The following KCNH5 variants were observed in gnomAD, a reference collection of about 807,000 sequenced individuals.
KCNH5 encodes potassium voltage-gated channel subfamily H member 5.
In KCNH5, 46 loss-of-function variants were observed where a neutral mutation model predicts 96.1. The observed-to-expected ratio is 0.48, with a 90% CI of 0.38 to 0.61. The LOEUF is 0.61. Ranked by LOEUF, KCNH5 falls within the 20% of genes least tolerant of loss-of-function variation. The probability of loss-of-function intolerance (pLI) is 0.00; values close to 1 mark genes in which losing one functional copy is unlikely to be tolerated. For synonymous variants in KCNH5, 439 were observed against 449.8 expected, an observed-to-expected ratio of 0.98 and a Z score of 0.30; for missense variants, 907 against 1,225.8, an observed-to-expected ratio of 0.74 and a Z score of 3.88.
chr14:62,787,547 T>G (rs1461665690), intron 9 of KCNH5, among the ~76,000 whole-genome samples: 1 of 152,178 alleles, frequency 6.6e-6, no homozygotes, highest in Non-Finnish European at 1.5e-5. Context: ...GACAACAGAT[T>G]TTTAATGCAG....
At chr14:62,797,184 G>C (rs566763092) in intron 9 of KCNH5, among the ~76,000 whole-genome samples, 3 of 151,976 alleles carry the variant, frequency 2.0e-5, no homozygotes, top group African/African-American at 7.2e-5. Context: ...TGGAGGGAGG[G>C]TTTGAAGTTT....
chr14:62,727,308 T>C (rs1884948936), intron 10 of KCNH5, among the ~76,000 whole-genome samples: 3 of 151,782 alleles, frequency 2.0e-5, no homozygotes. Context: ...GGGGTGACAG[T>C]GAGCCGAGAT....
In KCNH5 at chr14:62,699,836, TAGA is replaced by T. The variant is rs1168253263; in HGVS notation, c.*7669_*7671del. ...ATACATTGCAGTATCTTTGTTTAAG[TAGA>T]AAAAAGGATCTGCTTAGCATGAATC... is the stretch of plus-strand genomic sequence containing the variant. On this transcript the variant is annotated 3_prime_UTR_variant, in exon 11 of 11. Coordinates refer to ENST00000322893, the MANE Select transcript of KCNH5 (RefSeq NM_139318.5). 1 of 152,090 alleles carries T rather than the reference TAGA, an allele frequency of 6.6e-6. No homozygotes were observed. Among genetic ancestry groups the T allele is most frequent in the Non-Finnish European group, 1.5e-5 (1 of 67,964 alleles). The allele number at this position is 152,090 out of a possible 1,614,324, so 9.4% of individuals were successfully genotyped here. A position where few individuals can be genotyped will look rare whatever the true frequency, so the allele number is the denominator to read the frequency against.
intron 1 of KCNH5, among the ~76,000 whole-genome samples, chr14:63,040,132 G>T (rs1365922278): frequency 1.3e-5 from 2 of 152,002 alleles, no homozygotes; most frequent in South Asian, 2.1e-4. Flanking sequence ...AAACTAAAGG[G>T]CTTCTTTAGG....
intron 8 of KCNH5, among the ~76,000 whole-genome samples, chr14:62,840,550 CTTTTTTCTTTTTTTTCTTTTTTTTTT>C (rs1335001547): frequency 8.0e-6 from 1 of 124,360 alleles, no homozygotes. Flanking sequence ...TTTTGTTTTT[CTTTTTTCTTTTTTTTCTTTTTTTTTT>C]TTTTTTTTTT....
intron 6 of KCNH5, among the ~76,000 whole-genome samples, chr14:62,957,776 G>C (rs1890132118): frequency 6.6e-6 from 1 of 152,170 alleles, no homozygotes; most frequent in Admixed American, 6.5e-5. Flanking sequence ...ATCCCTTTGA[G>C]TCATGCATTT....
rs1889637754 is a variant in KCNH5 at position 62,934,304 on chromosome 14, T to C, written c.1369+15829A>G. Among the ~76,000 whole-genome samples the C allele has an allele frequency of 2.6e-5, 4 of 152,162 alleles. No individual in the cohort carries two copies. In the South Asian group the frequency reaches 8.3e-4, roughly 32 times the overall value. On this transcript the variant is annotated intron_variant, in intron 7 of 10. Coordinates refer to ENST00000322893, the MANE Select transcript of KCNH5 (RefSeq NM_139318.5). The stretch of plus-strand genomic sequence containing the variant: ...TCTTTAAAACACACTTATATAGTTT[T>C]GTTTCTTTAGCAAACACCAAAAATG...
intron 2 of KCNH5, among the ~76,000 whole-genome samples, chr14:63,016,149 C>A (rs1249603226): frequency 1.3e-5 from 2 of 151,518 alleles, no homozygotes; most frequent in African/African-American, 4.8e-5. Flanking sequence ...AATTAACTCA[C>A]GGAAAAAACA....
At chr14:62,806,174 A>G (rs1447788067) in intron 8 of KCNH5, among the ~76,000 whole-genome samples, 2 of 152,146 alleles carry the variant, frequency 1.3e-5, no homozygotes, top group Non-Finnish European at 2.9e-5. Context: ...AAGTTATCCA[A>G]TATGGTCTAA....
intron 10 of KCNH5, among the ~76,000 whole-genome samples, chr14:62,773,608 G>A (rs979773028): frequency 6.6e-6 from 1 of 152,184 alleles, no homozygotes; most frequent in Non-Finnish European, 1.5e-5. Context: ...TGTCTCATGA[G>A]AAGACGTATA....
intron 6 of KCNH5, among the ~76,000 whole-genome samples, chr14:62,962,805 C>T (rs1178557183): frequency 6.6e-6 from 1 of 152,146 alleles, no homozygotes; most frequent in Non-Finnish European, 1.5e-5. Flanking sequence ...TCTATAGCAA[C>T]ATTTTAATGA....
At position 62,819,152 on chromosome 14, in the gene KCNH5, G is replaced by C. The variant is rs371916771; in HGVS notation, c.1570-16571C>G. On this transcript the variant is annotated intron_variant, in intron 8 of 10. Coordinates refer to ENST00000322893, the MANE Select transcript of KCNH5 (RefSeq NM_139318.5). ...CAGCTAATTTTTTGTATTTTTCGTA[G>C]AGACAGGGTTTCACCTTGTTTAGCC... is the stretch of plus-strand genomic sequence containing the variant. 3.2e-4 allele frequency among the ~76,000 whole-genome samples: 49 copies of C among 152,196 alleles called. No homozygotes were observed. The East Asian group carries it at 9.1e-3, about 28-fold the overall frequency.
At chr14:62,782,405 T>TA (rs1374673512) in intron 9 of KCNH5, among the ~76,000 whole-genome samples, 1 of 152,206 alleles carries the variant, frequency 6.6e-6, no homozygotes, top group Non-Finnish European at 1.5e-5. Context: ...TAATTAATCT[T>TA]AAGCAATTCA....
intron 8 of KCNH5, among the ~76,000 whole-genome samples, chr14:62,848,600 T>C (rs1422619758): frequency 1.3e-5 from 2 of 152,106 alleles, no homozygotes; most frequent in African/African-American, 4.8e-5. Flanking sequence ...CTCAACCTAT[T>C]CCTAACAACA....
At chr14:63,022,170 G>A (rs1260598573) in intron 1 of KCNH5, among the ~76,000 whole-genome samples, 1 of 152,136 alleles carries the variant, frequency 6.6e-6, no homozygotes, top group Non-Finnish European at 1.5e-5. Flanking sequence ...CTTAGAGAAT[G>A]GGGCCACCAT....
chr14:63,021,000 GTTTTC>G (rs998307619), intron 1 of KCNH5, among the ~76,000 whole-genome samples: 1 of 152,002 alleles, frequency 6.6e-6, no homozygotes, highest in African/African-American at 2.4e-5. Context: ...AATAAATGAT[GTTTTC>G]TTTTATTTAT....
At chr14:62,937,639 T>C (rs1334087028) in intron 7 of KCNH5, among the ~76,000 whole-genome samples, 1 of 152,188 alleles carries the variant, frequency 6.6e-6, no homozygotes, top group Non-Finnish European at 1.5e-5. Flanking sequence ...GTGCAAATTG[T>C]ACAGGAATTG....
intron 7 of KCNH5, among the ~76,000 whole-genome samples, chr14:62,925,772 T>C (rs548827322): frequency 2.0e-5 from 3 of 152,222 alleles, no homozygotes; most frequent in African/African-American, 7.2e-5. Context: ...AATTGTGTAC[T>C]CTGAAGTTAG....
In KCNH5 at chr14:62,699,516, A is replaced by G. The variant is rs1255888172; in HGVS notation, c.*7992T>C. The G allele has an allele frequency of 6.6e-6, 1 of 152,234 alleles. No homozygotes were observed. Among genetic ancestry groups the G allele is most frequent in the Non-Finnish European group, 1.5e-5 (1 of 68,036 alleles). The allele number at this position is 152,234 out of a possible 1,614,324, so 9.4% of individuals were successfully genotyped here. On this transcript the variant is annotated 3_prime_UTR_variant, in exon 11 of 11. Coordinates refer to ENST00000322893, the MANE Select transcript of KCNH5 (RefSeq NM_139318.5). Reference sequence around the variant, plus strand: ...ATCATGAAAAAATATCCACATTTAAATAAAGTGTGAAAAAAAGCAAAGTTA... The same window carrying G: ...ATCATGAAAAAATATCCACATTTAAGTAAAGTGTGAAAAAAAGCAAAGTTA...
Sources: gnomAD v4.1 joint callset for allele counts (sites outside exome capture counted in the v4.1 genomes callset) on GRCh38, gnomAD v4.1.1 for gene constraint, MANE v1.5 for transcripts, NCBI Gene and HGNC (gene_info 2026-07-23, HGNC 2026-07-21) for gene names.